ASXL2: variants seen among roughly 807,000 people sequenced by gnomAD.
ASXL2 encodes the protein ASXL transcriptional regulator 2.
ASXL2 carries 23 observed loss-of-function variants against 122.0 expected under a neutral mutation model. The ratio of observed to expected loss-of-function variants is 0.19; its 90% confidence interval spans 0.14 to 0.27. The LOEUF (loss-of-function observed/expected upper bound fraction) is 0.27. ASXL2 is among the 10% of genes least tolerant of loss of function. The pLI is 1.00. For synonymous variants in ASXL2, 650 were observed against 637.0 expected, an observed-to-expected ratio of 1.02 and a Z score of -0.31; for missense variants, 1,518 against 1,713.8, an observed-to-expected ratio of 0.89 and a Z score of 2.02.
At chr2:25,809,946 C>T in intron 3 of ASXL2, 2 of 523,430 alleles carry the variant, frequency 3.8e-6, no homozygotes, top group Non-Finnish European at 7.6e-6. Context: ...TCAGGTCAAG[C>T]AGAGTCTGGT....
intron 5 of ASXL2, among the ~76,000 whole-genome samples, chr2:25,793,030 A>T (rs908227044): frequency 7.3e-5 from 11 of 151,710 alleles, no homozygotes; most frequent in Non-Finnish European, 1.5e-4. Context: ...AGGCGGGCAG[A>T]TCACTTGAGG....
At chr2:25,755,465 C>T (rs1475280069) in intron 10 of ASXL2, among the ~76,000 whole-genome samples, 1 of 152,186 alleles carries the variant, frequency 6.6e-6, no homozygotes, top group Non-Finnish European at 1.5e-5. Context: ...TGGTCATGAT[C>T]CATACTTACT....
intron 1 of ASXL2, chr2:25,857,104 T>TGGGGGG (rs1574451125): frequency 9.2e-6 from 1 of 108,984 alleles, no homozygotes; most frequent in African/African-American, 3.9e-5. Context: ...GGGGGGGAGA[T>TGGGGGG]GGGCAGCTTT....
At chr2:25,834,123 C>G (rs1336564239) in intron 3 of ASXL2, among the ~76,000 whole-genome samples, 4 of 152,038 alleles carry the variant, frequency 2.6e-5, no homozygotes, top group Admixed American at 6.6e-5. Context: ...GAGGCCAAGG[C>G]GGGCAGATCA....
chr2:25,759,074 C>T (rs1318830413), intron 9 of ASXL2, among the ~76,000 whole-genome samples: 1 of 152,154 alleles, frequency 6.6e-6, no homozygotes, highest in Non-Finnish European at 1.5e-5. Context: ...CCTGGCTCAG[C>T]CTCCCGAGTA....
At chr2:25,797,497 G>C (rs116560680) in intron 5 of ASXL2, among the ~76,000 whole-genome samples, 2,999 of 152,046 alleles carry the variant, frequency 0.02, 111 homozygotes, top group African/African-American at 0.065. Context: ...ATATGATAAA[G>C]GATTGTTACT....
rs561001599 is a variant in ASXL2 at position 25,750,224 on chromosome 2, T to C, written c.1332A>G (p.Lys444=). 6.2e-7 allele frequency: 1 copy of C among 1,614,006 alleles called. No homozygotes were observed. Among genetic ancestry groups the C allele is most frequent in the Admixed American group, 1.7e-5 (1 of 60,016 alleles). Residue 444 remains lysine, a synonymous_variant, in exon 12 of 13, where the codon AAA becomes AAG. Transcript: ENST00000435504. ...CTTCACCTTGGCTTTCACACTCTTC[T>C]TTTCTGCCTGGTGATGACATTTGCA... The part of the protein sequence containing the change: ...EALQMSSPGR[K]EECESQGEVQ...
intron 6 of ASXL2, among the ~76,000 whole-genome samples, chr2:25,771,158 C>T (rs2088445251): frequency 6.6e-6 from 1 of 152,196 alleles, no homozygotes; most frequent in African/African-American, 2.4e-5. Context: ...ATTGCTTGAA[C>T]CTGGGAAGCA....
chr2:25,745,412 C>T (rs1034284846), intron 12 of ASXL2, among the ~76,000 whole-genome samples: 3 of 151,118 alleles, frequency 2.0e-5, no homozygotes, highest in African/African-American at 7.3e-5. Context: ...GGGGTTTCAC[C>T]ATGTTGGCTA....
intron 2 of ASXL2, among the ~76,000 whole-genome samples, chr2:25,843,884 G>A (rs1202076659): frequency 6.6e-6 from 1 of 151,538 alleles, no homozygotes; most frequent in Non-Finnish European, 1.5e-5. Context: ...ACATGCAATG[G>A]CTATTCATCA....
At chr2:25,864,060 G>T (rs1432016801) in intron 1 of ASXL2, among the ~76,000 whole-genome samples, 3 of 151,562 alleles carry the variant, frequency 2.0e-5, no homozygotes, top group Non-Finnish European at 4.4e-5. Flanking sequence ...ACTCAATTAA[G>T]TGAAGAAAGG....
intron 8 of ASXL2, among the ~76,000 whole-genome samples, chr2:25,761,295 C>A (rs1183270557): frequency 6.6e-6 from 1 of 152,078 alleles, no homozygotes; most frequent in East Asian, 1.9e-4. Context: ...GAAATCCATG[C>A]ATAGACCCAG....
intron 8 of ASXL2, among the ~76,000 whole-genome samples, chr2:25,766,665 C>T (rs1255918121): frequency 1.3e-5 from 2 of 152,090 alleles, no homozygotes; most frequent in Non-Finnish European, 1.5e-5. Flanking sequence ...TAGAAATATG[C>T]CTTGTTAGTA....
At position 25,842,812 on chromosome 2, in the gene ASXL2, GTTT is replaced by G. The variant is rs1169367029; in HGVS notation, c.140+2666_140+2668del. On this transcript the variant is annotated intron_variant, in intron 2 of 12. Coordinates refer to ENST00000435504, the MANE Select transcript of ASXL2 (RefSeq NM_018263.6). ...TGTGTGTATATATATATATATATAT[GTTT>G]TTTTTGTTTGTTTGTTTGTTTTTTG... 1.0e-3 allele frequency among the ~76,000 whole-genome samples: 154 copies of G among 148,744 alleles called. 1 individual carries two copies. Among genetic ancestry groups the G allele is most frequent in the Middle Eastern group, 3.5e-3 (1 of 286 alleles).
intron 5 of ASXL2, among the ~76,000 whole-genome samples, chr2:25,797,393 C>T (rs1226409001): frequency 6.6e-6 from 1 of 152,018 alleles, no homozygotes; most frequent in East Asian, 1.9e-4. Context: ...TGCAGTGAGC[C>T]GAGATCGCTC....
At position 25,811,055 on chromosome 2, in the gene ASXL2, TACACACAC is replaced by T. The variant is rs34006530; in HGVS notation, c.144-4726_144-4719del. On this transcript the variant is annotated intron_variant, in intron 3 of 12. Coordinates refer to ENST00000435504, the MANE Select transcript of ASXL2 (RefSeq NM_018263.6). ...CCTGTCTCTACAAAAAATACAAAAATACACACACACACACACACACACACACACACACA... is the reference window on the plus strand; with the variant it reads ...CCTGTCTCTACAAAAAATACAAAAATACACACACACACACACACACACACA... Among the ~76,000 whole-genome samples the T allele has an allele frequency of 1.8e-3, 215 of 116,434 alleles. 1 individual carries two copies. The highest frequency in any genetic ancestry group is 5.3e-3 in the African/African-American group (160 of 30,156). The allele number at this position is 116,434 out of a possible 152,430, so 76.4% of individuals were successfully genotyped here.
At chr2:25,820,666 A>T (rs962928223) in intron 3 of ASXL2, among the ~76,000 whole-genome samples, 2 of 152,184 alleles carry the variant, frequency 1.3e-5, no homozygotes, top group Non-Finnish European at 2.9e-5. Context: ...CTAAAACCGG[A>T]TTATGGTGAT....
chr2:25,775,529 C>T (rs1436679991), intron 5 of ASXL2, among the ~76,000 whole-genome samples: 1 of 152,078 alleles, frequency 6.6e-6, no homozygotes. Flanking sequence ...GGGCAGCTTC[C>T]CCCACGTTGT....
intron 4 of ASXL2, among the ~76,000 whole-genome samples, chr2:25,802,205 T>C (rs1487550272): frequency 1.3e-5 from 2 of 152,354 alleles, no homozygotes; most frequent in Admixed American, 6.5e-5. Context: ...AACGGCTACA[T>C]TCCTTTATTC....
Sources: gnomAD v4.1 joint callset for allele counts (sites outside exome capture counted in the v4.1 genomes callset) on GRCh38, gnomAD v4.1.1 for gene constraint, MANE v1.5 for transcripts, NCBI Gene and HGNC (gene_info 2026-07-23, HGNC 2026-07-21) for gene names.